MAPK14: variants seen among roughly 807,000 people sequenced by gnomAD.
MAPK14 encodes CSAID-binding protein.
MAPK14 carries 16 observed loss-of-function variants against 49.6 expected under a neutral mutation model. That is an observed-to-expected ratio of 0.32 (90% CI 0.22 to 0.49). The LOEUF (loss-of-function observed/expected upper bound fraction) is 0.49. MAPK14 is among the 20% of genes least tolerant of loss of function. The probability of loss-of-function intolerance (pLI) is 0.99; values close to 1 mark genes in which losing one functional copy is unlikely to be tolerated. For missense variants in MAPK14, 200 were observed against 441.2 expected (o/e 0.45, Z 4.90); for synonymous variants, 142 against 158.0 (o/e 0.90, Z 0.76).
In MAPK14 at chr6:36,074,142, A is replaced by T. The variant is rs751717984; in HGVS notation, c.495+46A>T. The T allele has an allele frequency of 1.3e-5, 20 of 1,515,654 alleles. No individual in the cohort carries two copies. In the South Asian group the frequency reaches 1.8e-4, roughly 14 times the overall value. 93.9% of individuals were successfully genotyped at this position (1,515,654 alleles called of 1,614,324 possible). On this transcript the variant is annotated intron_variant, in intron 6 of 11. Transcript: ENST00000229794. ...TCATTGTTTGCTTTACTTTGAGATTATATGTTTGACTAAGCAGGCAGACTT... is the reference window on the plus strand; with the variant it reads ...TCATTGTTTGCTTTACTTTGAGATTTTATGTTTGACTAAGCAGGCAGACTT...
At chr6:36,040,636 CTAAT>C (rs1448069978) in intron 1 of MAPK14, among the ~76,000 whole-genome samples, 2 of 152,142 alleles carry the variant, frequency 1.3e-5, no homozygotes, top group Non-Finnish European at 2.9e-5. Context: ...TGAGAAACAA[CTAAT>C]TAGTGAGGGA....
At chr6:36,033,505 C>T (rs750823596) in intron 1 of MAPK14, among the ~76,000 whole-genome samples, 8 of 152,168 alleles carry the variant, frequency 5.3e-5, no homozygotes, top group African/African-American at 9.6e-5. Flanking sequence ...TTAGTAGAGA[C>T]GGGGTTTTAC....
At chr6:36,085,392 C>T (rs539966293) in intron 8 of MAPK14, among the ~76,000 whole-genome samples, 5 of 152,196 alleles carry the variant, frequency 3.3e-5, no homozygotes, top group Admixed American at 2.0e-4. Context: ...TAAAGAATCA[C>T]GACCCATCAG....
At chr6:36,093,635 C>A (rs1249474464) in intron 8 of MAPK14, among the ~76,000 whole-genome samples, 2 of 143,688 alleles carry the variant, frequency 1.4e-5, no homozygotes, top group South Asian at 2.4e-4. Context: ...AGGAGAATGG[C>A]GTGAACCTGG....
At chr6:36,043,804 C>CTTTTTTTTTTTTTTTTT (rs796534477) in intron 1 of MAPK14, among the ~76,000 whole-genome samples, 190 of 90,320 alleles carry the variant, frequency 2.1e-3, no homozygotes, top group Non-Finnish European at 2.8e-3. Flanking sequence ...CTTTTTCTTT[C>CTTTTTTTTTTTTTTTTT]TTTTTTTTTT....
At chr6:36,045,563 C>G (rs892583088) in intron 1 of MAPK14, among the ~76,000 whole-genome samples, 9 of 151,964 alleles carry the variant, frequency 5.9e-5, no homozygotes, top group Non-Finnish European at 2.9e-5. Context: ...AATCCCAGCC[C>G]TTTGGGAGGC....
At chr6:36,088,650 A>T (rs530559475) in intron 8 of MAPK14, among the ~76,000 whole-genome samples, 18 of 149,948 alleles carry the variant, frequency 1.2e-4, no homozygotes, top group Non-Finnish European at 2.2e-4. Context: ...TGAACCCAGG[A>T]GGCGGAGCTG....
Position 36,059,200 on chromosome 6 carries a change from C to G in MAPK14, c.247-89C>G. 8.4e-6 allele frequency: 7 copies of G among 835,282 alleles called. No individual in the cohort carries two copies. The South Asian group carries it at 9.9e-5, about 12-fold the overall frequency. 51.7% of individuals were successfully genotyped at this position (835,282 alleles called of 1,614,324 possible). A position where few individuals can be genotyped will look rare whatever the true frequency, so the allele number is the denominator to read the frequency against. ...CCACTGCTCCCGGCCTAGACCCTGA[C>G]TCTTTAAAAAAAAAGAAGATTAAGA... On this transcript the variant is annotated intron_variant, in intron 2 of 11. Coordinates refer to ENST00000229794, the MANE Select transcript of MAPK14 (RefSeq NM_139012.3).
intron 9 of MAPK14, chr6:36,096,763 G>C (rs547996998): frequency 6.6e-6 from 1 of 152,218 alleles, no homozygotes; most frequent in South Asian, 2.1e-4. Context: ...CTGAGACAGA[G>C]TTTGGAACTA....
At chr6:36,124,140 C>CTCCCTCCT in the MAPK14 span, among the ~76,000 whole-genome samples, 2 of 101,098 alleles carry the variant, frequency 2.0e-5, no homozygotes, top group Non-Finnish European at 4.0e-5. Flanking sequence ...CCCTCCCTCC[C>CTCCCTCCT]TCCCTCCCTC....
chr6:36,107,404 TTTTTG>T lies in MAPK14; in HGVS notation c.842-49_842-45del. ...CTATGTTTGCTCAATAAGGCATACTTTTTTGTAACATGTTAAAAACTCTTTTCCTT... is the reference window on the plus strand; with the variant it reads ...CTATGTTTGCTCAATAAGGCATACTTTAACATGTTAAAAACTCTTTTCCTT... On this transcript the variant is annotated intron_variant, in intron 10 of 11. Coordinates refer to ENST00000229794, the MANE Select transcript of MAPK14 (RefSeq NM_139012.3). The surrounding 1 kb of genome is among the most constrained non-coding windows in gnomAD (Gnocchi z 4.3). The T allele has an allele frequency of 7.3e-7, 1 of 1,376,606 alleles. No individual in the cohort carries two copies. Among genetic ancestry groups the T allele is most frequent in the African/African-American group, 1.4e-5 (1 of 69,286 alleles). 85.3% of individuals were successfully genotyped at this position (1,376,606 alleles called of 1,614,324 possible).
downstream of MAPK14, among the ~76,000 whole-genome samples, chr6:36,112,417 C>T (rs1397746340): frequency 6.6e-6 from 1 of 151,970 alleles, no homozygotes; most frequent in African/African-American, 2.4e-5. Flanking sequence ...ATAGGGGAAA[C>T]CTGAATGGAA....
chr6:36,072,583 G>A (rs1193037730), intron 3 of MAPK14, among the ~76,000 whole-genome samples: 2 of 151,822 alleles, frequency 1.3e-5, no homozygotes, highest in East Asian at 1.9e-4. Context: ...TGGCCAACAC[G>A]GTGAAACCTC....
At chr6:36,045,016 C>G (rs1344206711) in intron 1 of MAPK14, among the ~76,000 whole-genome samples, 1 of 152,016 alleles carries the variant, frequency 6.6e-6, no homozygotes, top group African/African-American at 2.4e-5. Flanking sequence ...GCCTGTAGTC[C>G]TGGCTACCCA....
chr6:36,034,454 A>G (rs994078944), intron 1 of MAPK14, among the ~76,000 whole-genome samples: 4 of 152,124 alleles, frequency 2.6e-5, no homozygotes, highest in African/African-American at 9.7e-5. Context: ...AATACATTAG[A>G]TTTTTGCTTT....
chr6:36,075,405 C>G (rs1764489685), intron 6 of MAPK14, among the ~76,000 whole-genome samples: 1 of 151,920 alleles, frequency 6.6e-6, no homozygotes, highest in South Asian at 2.1e-4. Flanking sequence ...GTGTGTCTGG[C>G]CTTTGCTTGG....
chr6:36,028,044 G>T lies in MAPK14; in HGVS notation c.-114G>T. Reference sequence around the variant, plus strand: ...TCGCGGCAGCCGCACCTGCGCGGGCGACCAGCGCAAGGTCCCCGCCCGGCT... The same window carrying T: ...TCGCGGCAGCCGCACCTGCGCGGGCTACCAGCGCAAGGTCCCCGCCCGGCT... On this transcript the variant is annotated 5_prime_UTR_variant, in exon 1 of 12. Transcript: ENST00000229794. This position sits in a 1 kb window ranked among gnomAD's most constrained non-coding sequence, Gnocchi z 5.1. 1.9e-6 allele frequency: 1 copy of T among 534,752 alleles called. No individual in the cohort carries two copies. Among genetic ancestry groups the T allele is most frequent in the South Asian group, 4.2e-5 (1 of 23,658 alleles). 33.1% of individuals were successfully genotyped at this position (534,752 alleles called of 1,614,324 possible). A position where few individuals can be genotyped will look rare whatever the true frequency, so the allele number is the denominator to read the frequency against.
intron 3 of MAPK14, among the ~76,000 whole-genome samples, chr6:36,062,256 A>G (rs1242514468): frequency 1.3e-5 from 2 of 152,144 alleles, no homozygotes; most frequent in African/African-American, 2.4e-5. Flanking sequence ...GATTACAGAC[A>G]TGAGCCGCCA....
At chr6:36,092,774 AAG>A (rs1765288738) in intron 8 of MAPK14, 1 of 247,886 alleles carries the variant, frequency 4.0e-6, no homozygotes, top group Non-Finnish European at 8.0e-6. Flanking sequence ...GTCACGACTC[AAG>A]ACATCGGCAC....
Sources: allele counts gnomAD v4.1 joint callset (sites outside exome capture counted in the v4.1 genomes callset), GRCh38; gene constraint gnomAD v4.1.1; non-coding constraint Gnocchi (gnomAD v3.1); transcripts MANE v1.5; gene names NCBI Gene and HGNC (gene_info 2026-07-23, HGNC 2026-07-21).